The following CUL2 variants were observed in gnomAD, a reference collection of about 807,000 sequenced individuals.
CUL2 encodes the protein cullin 2, also known as cullin-2.
A neutral mutation model predicts 110.2 loss-of-function variants in CUL2; 22 were observed. That is an observed-to-expected ratio of 0.20 (90% CI 0.14 to 0.28). CUL2 has a LOEUF of 0.28. Ranked by LOEUF, CUL2 falls within the 10% of genes least tolerant of loss-of-function variation. The pLI, the probability that CUL2 is intolerant of heterozygous loss-of-function variation, is 1.00. For missense variants in CUL2, 631 were observed against 905.5 expected, an observed-to-expected ratio of 0.70 and a Z score of 3.89; for synonymous variants, 279 against 293.2, an observed-to-expected ratio of 0.95 and a Z score of 0.49.
At chr10:35,122,780 G>A (rs1378278889) in intron 1 of CUL2, among the ~76,000 whole-genome samples, 1 of 152,166 alleles carries the variant, frequency 6.6e-6, no homozygotes, top group African/African-American at 2.4e-5. Context: ...TGGGATTACA[G>A]GCATGCGCCA....
chr10:35,095,498 C>T (rs895004606), upstream of CUL2, among the ~76,000 whole-genome samples: 4 of 151,868 alleles, frequency 2.6e-5, no homozygotes, highest in African/African-American at 9.7e-5. Flanking sequence ...ATTTTGTAGT[C>T]AGCTATTTGT....
rs779233778 is a variant in CUL2 at position 35,008,991 on chromosome 10, G to A, written c.*1320C>T. The A allele has an allele frequency of 2.0e-5, 3 of 151,896 alleles. No individual in the cohort carries two copies. Among genetic ancestry groups the A allele is most frequent in the Non-Finnish European group, 4.4e-5 (3 of 67,988 alleles). The allele number at this position is 151,896 out of a possible 1,614,324, so 9.4% of individuals were successfully genotyped here. A position where few individuals can be genotyped will look rare whatever the true frequency, so the allele number is the denominator to read the frequency against. On this transcript the variant is annotated 3_prime_UTR_variant, in exon 21 of 21. Transcript: ENST00000374749. ...TGCTTGTAATCCCAGCACTTTGGGA[G>A]ACAGAGATAGGATTGCTTGAGGCCA...
intron 1 of CUL2, among the ~76,000 whole-genome samples, chr10:35,123,518 A>G (rs1261024716): frequency 1.3e-5 from 2 of 152,234 alleles, no homozygotes; most frequent in Non-Finnish European, 2.9e-5. Context: ...AAGTTTCTAC[A>G]GGCAAAAGCA....
At position 35,079,214 on chromosome 10, in the gene CUL2, C is replaced by T. The variant is rs559103085; in HGVS notation, c.-22-7875G>A. On this transcript the variant is annotated intron_variant, in intron 1 of 20. Coordinates refer to ENST00000374749, the MANE Select transcript of CUL2 (RefSeq NM_003591.4). ...ATATGCTATAATAAAAGTTACATGA[C>T]CATGGTCTCTCAGAATATCTCACTG... Among the ~76,000 whole-genome samples, 260 of 152,282 alleles carry T rather than the reference C, an allele frequency of 1.7e-3. 1 individual carries two copies. In the South Asian group the frequency reaches 0.025, roughly 15 times the overall value.
At chr10:35,042,230 A>C (rs1264281638) in intron 8 of CUL2, among the ~76,000 whole-genome samples, 1 of 151,734 alleles carries the variant, frequency 6.6e-6, no homozygotes, top group Non-Finnish European at 1.5e-5. Flanking sequence ...TCTGTTCTAG[A>C]TATTTCCTAT....
chr10:35,076,189 T>C (rs1459883315), intron 1 of CUL2, among the ~76,000 whole-genome samples: 1 of 152,076 alleles, frequency 6.6e-6, no homozygotes, highest in Admixed American at 6.5e-5. Flanking sequence ...CCACATAACG[T>C]ATGAATCTAT....
intron 1 of CUL2, among the ~76,000 whole-genome samples, chr10:35,106,180 C>T (rs1294983257): frequency 1.3e-5 from 2 of 152,148 alleles, no homozygotes; most frequent in Non-Finnish European, 2.9e-5. Context: ...CAGAGAGCTC[C>T]CTCACTTCTT....
chr10:35,036,495 A>G (rs1455993367), intron 9 of CUL2, among the ~76,000 whole-genome samples: 1 of 152,180 alleles, frequency 6.6e-6, no homozygotes, highest in African/African-American at 2.4e-5. Context: ...GGATCATAAA[A>G]TATGCATAAT....
chr10:35,106,244 C>T (rs931549912), intron 1 of CUL2, among the ~76,000 whole-genome samples: 1 of 151,794 alleles, frequency 6.6e-6, no homozygotes, highest in Non-Finnish European at 1.5e-5. Flanking sequence ...ACAGAGGGGC[C>T]TTCACCAGAC....
chr10:35,062,603 C>T (rs11010083), intron 3 of CUL2, among the ~76,000 whole-genome samples: 4 of 150,762 alleles, frequency 2.7e-5, no homozygotes, highest in Admixed American at 1.3e-4. Context: ...AGGCCAAGGC[C>T]GGAGGATCAC....
In CUL2 at chr10:35,008,752, TAAACCAA is replaced by T. The variant is rs2084821597; in HGVS notation, c.*1552_*1558del. 1.3e-5 allele frequency: 2 copies of T among 152,168 alleles called. No homozygotes were observed. Among genetic ancestry groups the T allele is most frequent in the African/African-American group, 2.4e-5 (1 of 41,432 alleles). 9.4% of individuals were successfully genotyped at this position (152,168 alleles called of 1,614,324 possible). ...ACGAGTTAGAAAAAATGCAATTGAA[TAAACCAA>T]TTGTAAGACCCATCTCAAAACAACA... On this transcript the variant is annotated 3_prime_UTR_variant, in exon 21 of 21. Coordinates refer to ENST00000374749, the MANE Select transcript of CUL2 (RefSeq NM_003591.4).
At chr10:35,069,097 G>A (rs2134976419) in intron 2 of CUL2, among the ~76,000 whole-genome samples, 1 of 152,222 alleles carries the variant, frequency 6.6e-6, no homozygotes, top group Non-Finnish European at 1.5e-5. Flanking sequence ...TCGAACTCCT[G>A]ACCTCATAAT....
chr10:35,116,854 G>A (rs945105611), intron 1 of CUL2, among the ~76,000 whole-genome samples: 3 of 152,034 alleles, frequency 2.0e-5, no homozygotes, highest in Non-Finnish European at 2.9e-5. Context: ...CTACCCGGGA[G>A]GCTGAGGTGG....
chr10:35,083,213 T>A (rs916027266), intron 1 of CUL2, among the ~76,000 whole-genome samples: 3 of 150,778 alleles, frequency 2.0e-5, no homozygotes, highest in African/African-American at 7.3e-5. Context: ...TTTCCCACCG[T>A]CAGAAAATAG....
At chr10:35,060,105 A>C (rs571449054) in intron 4 of CUL2, among the ~76,000 whole-genome samples, 52 of 152,204 alleles carry the variant, frequency 3.4e-4, no homozygotes, top group African/African-American at 1.1e-3. Flanking sequence ...ACAAAAAATG[A>C]ACAACATTAG....
At chr10:35,119,461 T>A (rs2087648145) in intron 1 of CUL2, among the ~76,000 whole-genome samples, 1 of 152,154 alleles carries the variant, frequency 6.6e-6, no homozygotes, top group African/African-American at 2.4e-5. Flanking sequence ...TGGACTAATT[T>A]TAGCTCTCTG....
rs1308921348 is a variant in CUL2, at chr10:35,081,446, T to TA, written c.-23+8732dup. On this transcript the variant is annotated intron_variant, in intron 1 of 20. Coordinates refer to ENST00000374749, the MANE Select transcript of CUL2 (RefSeq NM_003591.4). ...AACGAATTTAAGAAACTGACATTTT[T>TA]AAAAAAAACTATTCTCATATATGTA... Among the ~76,000 whole-genome samples, 151 of 152,186 alleles carry TA rather than the reference T, an allele frequency of 9.9e-4. 2 individuals are homozygous for TA. The highest frequency in any genetic ancestry group is 1.9e-4 in the East Asian group (1 of 5,188).
intron 1 of CUL2, among the ~76,000 whole-genome samples, chr10:35,121,048 G>A (rs1158365465): frequency 6.6e-6 from 1 of 152,042 alleles, no homozygotes; most frequent in African/African-American, 2.4e-5. Context: ...TTTAATAACA[G>A]TATCTTAGTC....
intron 1 of CUL2, among the ~76,000 whole-genome samples, chr10:35,085,228 A>G (rs1183918361): frequency 6.6e-6 from 1 of 151,666 alleles, no homozygotes; most frequent in Non-Finnish European, 1.5e-5. Context: ...GGAGATTGAG[A>G]CCATCCTGGC....
Sources: gnomAD v4.1 joint callset for allele counts (sites outside exome capture counted in the v4.1 genomes callset) on GRCh38, gnomAD v4.1.1 for gene constraint, MANE v1.5 for transcripts, NCBI Gene and HGNC (gene_info 2026-07-23, HGNC 2026-07-21) for gene names.